Variants in AP2S1 observed in about 807,000 individuals in gnomAD.
AP2S1 encodes the protein AP-2 complex subunit sigma.
Under a neutral mutation model 21.0 loss-of-function variants are expected in AP2S1, and 6 were observed. That is an observed-to-expected ratio of 0.29 (90% CI 0.16 to 0.56). The LOEUF (loss-of-function observed/expected upper bound fraction) is 0.56, where lower values mean the gene tolerates loss of function less well. AP2S1 is among the 20% of genes least tolerant of loss of function. The pLI, the probability that AP2S1 is intolerant of heterozygous loss-of-function variation, is 0.92. For missense variants in AP2S1, 60 were observed against 186.2 expected, an observed-to-expected ratio of 0.32 and a Z score of 3.95; for synonymous variants, 63 against 74.6, an observed-to-expected ratio of 0.84 and a Z score of 0.80.
intron 1 of AP2S1, among the ~76,000 whole-genome samples, chr19:46,847,133 G>A (rs2055650144): frequency 1.3e-5 from 2 of 151,998 alleles, no homozygotes; most frequent in African/African-American, 4.8e-5. Flanking sequence ...AAATTGAAAT[G>A]TAATTCACAC....
chr19:46,843,895 C>T (rs1260845987), intron 2 of AP2S1, among the ~76,000 whole-genome samples: 2 of 151,926 alleles, frequency 1.3e-5, no homozygotes, highest in African/African-American at 2.4e-5. Context: ...CTCTAAAAAA[C>T]ACCAAAAAAC....
At chr19:46,850,064 C>T (rs2055710472) in intron 1 of AP2S1, 1 of 1,176,470 alleles carries the variant, frequency 8.5e-7, no homozygotes, top group South Asian at 4.3e-5. Flanking sequence ...CTACTCCCCA[C>T]CCCACAAGAT....
At chr19:46,844,786 T>G (rs1221976375) in intron 2 of AP2S1, among the ~76,000 whole-genome samples, 1 of 149,142 alleles carries the variant, frequency 6.7e-6, no homozygotes, top group Admixed American at 6.7e-5. Flanking sequence ...GGTGACAGAA[T>G]GAGCTCCTGT....
intron 3 of AP2S1, 41 bp downstream of exon 3, chr19:46,839,424 G>GGCCCCCCCCCCCCCCC: frequency 6.6e-7 from 1 of 1,504,488 alleles, no homozygotes; most frequent in Non-Finnish European, 9.2e-7. Context: ...CTCCAGGGCT[G>GGCCCCCCCCCCCCCCC]CCCACCCGCC....
intron 1 of AP2S1, among the ~76,000 whole-genome samples, chr19:46,847,767 G>A (rs922703953): frequency 3.3e-5 from 5 of 152,116 alleles, no homozygotes; most frequent in Admixed American, 2.0e-4. Context: ...GGTGGCAAGC[G>A]GCAGAGCTGC....
At position 46,839,629 on chromosome 19, in the gene AP2S1, C is replaced by G. The variant is rs1169257191; in HGVS notation, c.154-51G>C. On this transcript the variant is annotated intron_variant, in intron 2 of 4. Coordinates refer to ENST00000263270, the MANE Select transcript of AP2S1 (RefSeq NM_004069.6). ...ACGGAGATTGCCAGGACCTAACGTGCCAGACAGAGTGGGGCCAAAACATTC... is the reference window on the plus strand; with the variant it reads ...ACGGAGATTGCCAGGACCTAACGTGGCAGACAGAGTGGGGCCAAAACATTC... The G allele has an allele frequency of 2.5e-6, 4 of 1,612,754 alleles. No individual in the cohort carries two copies. In the African/African-American group the frequency reaches 5.3e-5, roughly 22 times the overall value.
intron 2 of AP2S1, among the ~76,000 whole-genome samples, chr19:46,840,533 G>A (rs1328069192): frequency 4.0e-5 from 6 of 151,526 alleles, no homozygotes; most frequent in Admixed American, 1.3e-4. Flanking sequence ...CCAGCTACTC[G>A]GGAGGCTGAG....
In AP2S1 at chr19:46,838,629, C is replaced by T; in HGVS notation, c.328-81G>A. On this transcript the variant is annotated intron_variant, in intron 4 of 4. Coordinates refer to ENST00000263270, the MANE Select transcript of AP2S1 (RefSeq NM_004069.6). The surrounding 1 kb of genome is among the most constrained non-coding windows in gnomAD (Gnocchi z 4.1). ...CCCTGGAAGCTGGGGCTCTGATGCC[C>T]CTCGAGCTGGGACACAGACCTCAGC... The T allele has an allele frequency of 6.3e-7, 1 of 1,577,546 alleles. No individual in the cohort carries two copies. Among genetic ancestry groups the T allele is most frequent in the South Asian group, 1.1e-5 (1 of 90,074 alleles).
rs569754372 is a variant in AP2S1 at position 46,838,226 on chromosome 19, G to T, written c.*221C>A. Reference sequence around the variant, plus strand: ...CGCACAGACGCTTATGGCATCACACGACAACGGCACGGTTACTCGGGACAC... The same window carrying T: ...CGCACAGACGCTTATGGCATCACACTACAACGGCACGGTTACTCGGGACAC... On this transcript the variant is annotated 3_prime_UTR_variant, in exon 5 of 5. Coordinates refer to ENST00000263270, the MANE Select transcript of AP2S1 (RefSeq NM_004069.6). This position sits in a 1 kb window ranked among gnomAD's most constrained non-coding sequence, Gnocchi z 4.1. 1.7e-6 allele frequency: 1 copy of T among 582,292 alleles called. No homozygotes were observed. Among genetic ancestry groups the T allele is most frequent in the South Asian group, 2.0e-5 (1 of 49,724 alleles). 36.1% of individuals were successfully genotyped at this position (582,292 alleles called of 1,614,324 possible).
intron 1 of AP2S1, among the ~76,000 whole-genome samples, chr19:46,846,625 A>G (rs2055639760): frequency 6.6e-6 from 1 of 151,824 alleles, no homozygotes; most frequent in African/African-American, 2.4e-5. Flanking sequence ...AAGTCTCCCA[A>G]GAAGATTCAT....
chr19:46,838,551 G>A lies in AP2S1; in HGVS notation c.328-3C>T, dbSNP rs745961262. 11 of 1,614,178 alleles carry A rather than the reference G, an allele frequency of 6.8e-6. No individual in the cohort carries two copies. The highest frequency in any genetic ancestry group is 8.5e-6 in the Non-Finnish European group (10 of 1,180,016). On this transcript the variant is annotated splice_region_variant and splice_polypyrimidine_tract_variant and intron_variant, in intron 4 of 4. Transcript: ENST00000263270. This position sits in a 1 kb window ranked among gnomAD's most constrained non-coding sequence, Gnocchi z 4.1. ...ATCTCGTCCACGACCGTGTAAACCTGTGTGAGGGGAGACCCTGGGGTGAGA... is the reference window on the plus strand; with the variant it reads ...ATCTCGTCCACGACCGTGTAAACCTATGTGAGGGGAGACCCTGGGGTGAGA...
chr19:46,839,667 C>A, intron 2 of AP2S1, 89 bp from the exon 3 acceptor site: 1 of 1,584,052 alleles, frequency 6.3e-7, no homozygotes, highest in South Asian at 1.1e-5. Context: ...TCCTTCACTC[C>A]ATACGTGGTC....
At chr19:46,845,639 C>CA (rs1292439696) in intron 2 of AP2S1, 10 of 164,462 alleles carry the variant, frequency 6.1e-5, no homozygotes, top group South Asian at 3.0e-4. Flanking sequence ...AACGCACCAG[C>CA]AAAAAAAATT....
chr19:46,842,317 G>C (rs1171360625), intron 2 of AP2S1, among the ~76,000 whole-genome samples: 3 of 151,970 alleles, frequency 2.0e-5, no homozygotes, highest in Admixed American at 6.6e-5. Context: ...CCCCAGCCAG[G>C]CTCCTCGATC....
chr19:46,838,421 G>T lies in AP2S1; in HGVS notation c.*26C>A, dbSNP rs369370739. On this transcript the variant is annotated 3_prime_UTR_variant, in exon 5 of 5. Transcript: ENST00000263270. This position sits in a 1 kb window ranked among gnomAD's most constrained non-coding sequence, Gnocchi z 4.1. Reference sequence around the variant, plus strand: ...CGAGCAGGCGAGTCCAGGAGGGGCCGGGGCCGGGGTGGGGCTCGCCTGCCC... The same window carrying T: ...CGAGCAGGCGAGTCCAGGAGGGGCCTGGGCCGGGGTGGGGCTCGCCTGCCC... The T allele has an allele frequency of 5.6e-6, 9 of 1,609,328 alleles. No individual in the cohort carries two copies. Among genetic ancestry groups the T allele is most frequent in the Non-Finnish European group, 7.7e-6 (9 of 1,176,164 alleles).
intron 1 of AP2S1, 39 bp from the exon 2 acceptor site, chr19:46,846,181 CAG>C: frequency 6.2e-7 from 1 of 1,611,346 alleles, no homozygotes; most frequent in Non-Finnish European, 8.5e-7. Flanking sequence ...GTGAGAGAGG[CAG>C]AGAGGGCGGG....
intron 1 of AP2S1, chr19:46,850,519 C>T (rs1359647775): frequency 3.3e-6 from 2 of 608,630 alleles, no homozygotes; most frequent in Non-Finnish European, 5.4e-6. Context: ...CCCACCTGCA[C>T]AGCCCTTTCC....
At chr19:46,845,917 C>T in intron 2 of AP2S1, 76 bp downstream of exon 2, 1 of 1,592,308 alleles carries the variant, frequency 6.3e-7, no homozygotes, top group Non-Finnish European at 8.6e-7. Context: ...GTTCTTGCAA[C>T]TAGAAGCTGG....
At chr19:46,850,253 C>G in intron 1 of AP2S1, 1 of 1,233,304 alleles carries the variant, frequency 8.1e-7, no homozygotes, top group Non-Finnish European at 1.0e-6. Context: ...CTCTCACAGG[C>G]AGTCTCCTGC....
Sources: allele counts gnomAD v4.1 joint callset (sites outside exome capture counted in the v4.1 genomes callset), GRCh38; gene constraint gnomAD v4.1.1; non-coding constraint Gnocchi (gnomAD v3.1); transcripts MANE v1.5; gene names NCBI Gene and HGNC (gene_info 2026-07-23, HGNC 2026-07-21).